The following CSMD1 variants were observed in gnomAD, a reference collection of about 807,000 sequenced individuals.
CSMD1 encodes CUB and Sushi multiple domains 1.
A neutral mutation model predicts 417.5 loss-of-function variants in CSMD1; 213 were observed. The ratio of observed to expected loss-of-function variants is 0.51; its 90% CI spans 0.46 to 0.57. CSMD1 has a LOEUF of 0.57. CSMD1 is among the 20% of genes least tolerant of loss of function. CSMD1 has a pLI of 0.00. For missense variants in CSMD1, 6,923 were observed against 4,529.7 expected (o/e 1.53, Z -15.17); for synonymous variants, 2,862 against 1,736.8 (o/e 1.65, Z -16.11).
At chr8:4,715,145 A>G (rs1322131097) in intron 1 of CSMD1, among the ~76,000 whole-genome samples, 1 of 152,220 alleles carries the variant, frequency 6.6e-6, no homozygotes, top group Admixed American at 6.5e-5. Context: ...TAACGTAACT[A>G]TAAACTAACT....
chr8:4,900,601 C>G (rs1015890068), intron 1 of CSMD1, among the ~76,000 whole-genome samples: 1 of 152,188 alleles, frequency 6.6e-6, no homozygotes, highest in Non-Finnish European at 1.5e-5. Context: ...TTTCCAGCAT[C>G]TCTGGTTCCA....
intron 3 of CSMD1, among the ~76,000 whole-genome samples, chr8:4,290,963 GC>G (rs1797327193): frequency 6.6e-6 from 1 of 152,022 alleles, no homozygotes; most frequent in African/African-American, 2.4e-5. Context: ...ATTTAGAGGG[GC>G]AAAATTTCAT....
chr8:3,435,691 C>A (rs1563386325), intron 12 of CSMD1, among the ~76,000 whole-genome samples: 1 of 152,170 alleles, frequency 6.6e-6, no homozygotes, highest in Non-Finnish European at 1.5e-5. Context: ...TACCTCCTGC[C>A]TTCACCCAGA....
At chr8:4,679,257 C>T (rs990658477) in intron 1 of CSMD1, among the ~76,000 whole-genome samples, 3 of 152,276 alleles carry the variant, frequency 2.0e-5, no homozygotes, top group South Asian at 2.1e-4. Context: ...CAGCTGCTGA[C>T]GTGAACACCC....
At position 3,795,141 on chromosome 8, in the gene CSMD1, A is replaced by ACC. The variant is rs1435670984; in HGVS notation, c.819-41100_819-41099insGG. Among the ~76,000 whole-genome samples, 22 of 59,748 alleles carry ACC rather than the reference A, an allele frequency of 3.7e-4. 1 individual carries two copies. The highest frequency in any genetic ancestry group is 5.0e-4 in the African/African-American group (9 of 18,002). 39.2% of individuals were successfully genotyped at this position (59,748 alleles called of 152,430 possible). A position where few individuals can be genotyped will look rare whatever the true frequency, so the allele number is the denominator to read the frequency against. ...ATATCTATCATGTACAGCTATAGAT[A>ACC]TCTATCATGTACAGCTATAGATACC... On this transcript the variant is annotated intron_variant, in intron 5 of 69. Transcript: ENST00000635120.
At position 3,976,669 on chromosome 8, in the gene CSMD1, G is replaced by A. The variant is rs118102425; in HGVS notation, c.818+21234C>T. ...TCAATGTGACTGACAGCTTTCTTGCGCATTCCCTATTCTAAGATATTTTAC... is the reference window on the plus strand; with the variant it reads ...TCAATGTGACTGACAGCTTTCTTGCACATTCCCTATTCTAAGATATTTTAC... On this transcript the variant is annotated intron_variant, in intron 5 of 69. Coordinates refer to ENST00000635120, the MANE Select transcript of CSMD1 (RefSeq NM_033225.6). Among the ~76,000 whole-genome samples, 322 of 152,206 alleles carry A rather than the reference G, an allele frequency of 2.1e-3. 3 individuals are homozygous for A. The highest frequency in any genetic ancestry group is 5.3e-3 in the African/African-American group (222 of 41,522).
intron 39 of CSMD1, among the ~76,000 whole-genome samples, chr8:3,154,676 C>A (rs1819407961): frequency 6.6e-6 from 1 of 152,120 alleles, no homozygotes; most frequent in South Asian, 2.1e-4. Flanking sequence ...CTGTAGAGCC[C>A]TAGAAAACTG....
At chr8:3,856,688 G>A (rs560795378) in intron 5 of CSMD1, among the ~76,000 whole-genome samples, 65 of 152,294 alleles carry the variant, frequency 4.3e-4, no homozygotes, top group African/African-American at 1.5e-3. Context: ...CATGGCCAGT[G>A]AAAGCTGGGA....
At chr8:4,255,666 T>C (rs913719178) in intron 3 of CSMD1, among the ~76,000 whole-genome samples, 3 of 152,358 alleles carry the variant, frequency 2.0e-5, no homozygotes, top group African/African-American at 4.8e-5. Context: ...TTTGCTAATA[T>C]GTATTACGTG....
chr8:3,049,810 A>G (rs1811698353), intron 50 of CSMD1, among the ~76,000 whole-genome samples: 1 of 152,054 alleles, frequency 6.6e-6, no homozygotes, highest in South Asian at 2.1e-4. Context: ...CCATTGTAAC[A>G]TGCACCCCAC....
chr8:4,071,233 G>A (rs912788754), intron 3 of CSMD1, among the ~76,000 whole-genome samples: 3 of 151,774 alleles, frequency 2.0e-5, no homozygotes, highest in East Asian at 3.9e-4. Context: ...CGTCTGTTAG[G>A]CCTGATATTG....
chr8:3,793,253 A>G (rs1193300043), intron 5 of CSMD1, among the ~76,000 whole-genome samples: 1 of 152,140 alleles, frequency 6.6e-6, no homozygotes. Flanking sequence ...ATGGTCATCA[A>G]TCTCAAGCGA....
At chr8:3,699,244 G>A (rs1800718155) in intron 7 of CSMD1, among the ~76,000 whole-genome samples, 1 of 152,206 alleles carries the variant, frequency 6.6e-6, no homozygotes, top group African/African-American at 2.4e-5. Flanking sequence ...TTTATTACCA[G>A]CTGCTATCAC....
chr8:3,027,521 CAAT>C (rs1810021803), intron 51 of CSMD1, among the ~76,000 whole-genome samples: 1 of 152,204 alleles, frequency 6.6e-6, no homozygotes, highest in Non-Finnish European at 1.5e-5. Context: ...TAAAAGTCAA[CAAT>C]GATTTCAGCT....
In CSMD1 at chr8:3,387,574, G is replaced by T. The variant is rs114188379; in HGVS notation, c.2702C>A (p.Pro901Gln). 6.2e-6 allele frequency: 10 copies of T among 1,601,016 alleles called. No homozygotes were observed. The highest frequency in any genetic ancestry group is 8.5e-6 in the Non-Finnish European group (10 of 1,173,842). ...CTCGTCGTCACTTAGTGTGTACCCC[G>T]GGTCACAGCTGAAAGTCACTGTGGA... ...IRSTVTFSCDPGYTLSDDEPL... is the reference protein window; with the variant it reads ...IRSTVTFSCDQGYTLSDDEPL... The change falls in exon 18 of 70, where the codon CCG becomes CAG. Residue 901 changes from proline (P) to glutamine (Q), a missense_variant. Pro to Gln is a moderately conservative substitution (Grantham distance 76). Transcript: ENST00000635120.
intron 3 of CSMD1, among the ~76,000 whole-genome samples, chr8:4,242,744 C>T (rs890688366): frequency 9.2e-5 from 14 of 152,266 alleles, no homozygotes; most frequent in African/African-American, 3.1e-4. Flanking sequence ...TCCTGCAGGG[C>T]ACAATCTGAA....
intron 18 of CSMD1, among the ~76,000 whole-genome samples, chr8:3,385,120 A>T (rs1243139252): frequency 5.5e-5 from 2 of 36,524 alleles, no homozygotes; most frequent in South Asian, 5.6e-4. Flanking sequence ...AAATATATAT[A>T]ATATATAAAT....
intron 3 of CSMD1, among the ~76,000 whole-genome samples, chr8:4,074,235 C>G (rs187142654): frequency 6.6e-6 from 1 of 151,660 alleles, no homozygotes; most frequent in Admixed American, 6.6e-5. Flanking sequence ...TTTTGTAACC[C>G]CAGAGAAAGC....
intron 3 of CSMD1, among the ~76,000 whole-genome samples, chr8:4,033,023 G>GATA (rs1387279529): frequency 1.4e-5 from 2 of 143,858 alleles, no homozygotes; most frequent in Non-Finnish European, 3.0e-5. Context: ...TTGTATGCAT[G>GATA]ATAAAAACAT....
Sources: allele counts gnomAD v4.1 joint callset (sites outside exome capture counted in the v4.1 genomes callset), GRCh38; gene constraint gnomAD v4.1.1; transcripts MANE v1.5; gene names NCBI Gene and HGNC (gene_info 2026-07-23, HGNC 2026-07-21).